The following PUM2 variants were observed in gnomAD, a reference collection of about 807,000 sequenced individuals.
PUM2 encodes pumilio homolog 2.
Under a neutral mutation model 124.5 loss-of-function variants are expected in PUM2, and 57 were observed. The observed-to-expected ratio is 0.46, with a 90% CI of 0.37 to 0.57. The LOEUF is 0.57. PUM2 is among the 20% of genes least tolerant of loss of function. PUM2 has a pLI of 0.00. For synonymous variants in PUM2, 460 were observed against 446.1 expected (o/e 1.03, Z -0.39); for missense variants, 1,065 against 1,290.6 (o/e 0.83, Z 2.68).
chr2:20,311,708 C>CA lies in PUM2; in HGVS notation c.349-46dup, dbSNP rs574174658. On this transcript the variant is annotated intron_variant, in intron 4 of 20. Transcript: ENST00000361078. ...TTGATTCTGAATATTTAATAGAACA[C>CA]AAAAAAAAGGCACCATAAGGTGACC... The CA allele has an allele frequency of 4.3e-4, 675 of 1,563,214 alleles. 5 individuals carry two copies. The South Asian group carries it at 6.6e-3, about 15-fold the overall frequency.
chr2:20,270,891 A>T (rs984841068), intron 13 of PUM2, among the ~76,000 whole-genome samples: 6 of 152,226 alleles, frequency 3.9e-5, no homozygotes, highest in African/African-American at 1.4e-4. Flanking sequence ...CCTAGAAACA[A>T]TTCCATTATA....
At chr2:20,347,586 A>G (rs903163896) in intron 1 of PUM2, among the ~76,000 whole-genome samples, 1 of 152,258 alleles carries the variant, frequency 6.6e-6, no homozygotes, top group African/African-American at 2.4e-5. Flanking sequence ...ATTGCCAAAT[A>G]TAAAAATCAC....
chr2:20,312,335 C>G lies in PUM2; in HGVS notation c.249G>C (p.Pro83=). Residue 83 remains proline (P), a synonymous_variant, in exon 4 of 21, where the codon CCG becomes CCC. Coordinates refer to ENST00000361078, the MANE Select transcript of PUM2 (RefSeq NM_015317.5). ...GNSEVNAILS[P]RSESGGLGVS... ...CACCAAGGCCTCCACTTTCTGATCGCGGAGACAGTATTGCATTTACTTCAC... is the reference window on the plus strand; with the variant it reads ...CACCAAGGCCTCCACTTTCTGATCGGGGAGACAGTATTGCATTTACTTCAC... 1 of 1,613,186 alleles carries G rather than the reference C, an allele frequency of 6.2e-7. No individual in the cohort carries two copies. Among genetic ancestry groups the G allele is most frequent in the Non-Finnish European group, 8.5e-7 (1 of 1,179,254 alleles).
chr2:20,350,759 C>A lies in PUM2; in HGVS notation c.-181G>T, dbSNP rs1689218060. 1 of 977,730 alleles carries A rather than the reference C, an allele frequency of 1.0e-6. No individual in the cohort carries two copies. 60.6% of individuals were successfully genotyped at this position (977,730 alleles called of 1,614,324 possible). A position where few individuals can be genotyped will look rare whatever the true frequency, so the allele number is the denominator to read the frequency against. On this transcript the variant is annotated 5_prime_UTR_variant, in exon 1 of 21. Transcript: ENST00000361078. ...CCACCCCACCTCCTCCTTCTCCTCC[C>A]CCTCCTCCTCCGAACCACCGAAGTA... is the stretch of plus-strand genomic sequence containing the variant.
chr2:20,279,793 C>T (rs948384692), intron 12 of PUM2, among the ~76,000 whole-genome samples: 1 of 152,122 alleles, frequency 6.6e-6, no homozygotes, highest in Non-Finnish European at 1.5e-5. Context: ...AATCAAATTC[C>T]ACAGCATGCA....
chr2:20,286,323 G>C (rs1289067045), intron 10 of PUM2, among the ~76,000 whole-genome samples: 1 of 152,180 alleles, frequency 6.6e-6, no homozygotes, highest in African/African-American at 2.4e-5. Flanking sequence ...GAGAACCCTA[G>C]AGATTTGCTG....
At chr2:20,261,987 C>T (rs935162105) in intron 14 of PUM2, among the ~76,000 whole-genome samples, 4 of 152,016 alleles carry the variant, frequency 2.6e-5, no homozygotes, top group African/African-American at 2.4e-5. Flanking sequence ...CCCAGCTATT[C>T]GGGATGCTTA....
At chr2:20,290,549 G>A in intron 10 of PUM2, 103 bp downstream of exon 10, 2 of 1,240,390 alleles carry the variant, frequency 1.6e-6, no homozygotes, top group South Asian at 3.6e-5. Context: ...TACAAGGTAG[G>A]CAAGATTTTA....
intron 14 of PUM2, among the ~76,000 whole-genome samples, chr2:20,261,700 T>C (rs1427654757): frequency 1.3e-5 from 2 of 152,134 alleles, no homozygotes; most frequent in African/African-American, 4.8e-5. Flanking sequence ...TTACACTGTA[T>C]AGGCTAATGT....
At chr2:20,281,795 T>C (rs1671588176) in intron 12 of PUM2, among the ~76,000 whole-genome samples, 1 of 152,224 alleles carries the variant, frequency 6.6e-6, no homozygotes, top group Non-Finnish European at 1.5e-5. Context: ...CAATATGACA[T>C]CCACTTATTG....
chr2:20,256,181 C>A lies in PUM2; in HGVS notation c.2485-11G>T. ...CTTTACCATTTCACTCTGCAAAAGA[C>A]AGGATGTCATTTAAATTATTACCTC... On this transcript the variant is annotated splice_polypyrimidine_tract_variant and intron_variant, in intron 16 of 20. Transcript: ENST00000361078. The A allele has an allele frequency of 1.3e-6, 2 of 1,573,448 alleles. No individual in the cohort carries two copies. The highest frequency in any genetic ancestry group is 1.7e-6 in the Non-Finnish European group (2 of 1,166,720).
At chr2:20,279,558 A>G (rs1404253221) in intron 12 of PUM2, among the ~76,000 whole-genome samples, 1 of 152,192 alleles carries the variant, frequency 6.6e-6, no homozygotes, top group Non-Finnish European at 1.5e-5. Flanking sequence ...CCCCTTACTC[A>G]AGGCTGATCA....
chr2:20,321,244 G>T (rs1682270471), intron 2 of PUM2, among the ~76,000 whole-genome samples: 2 of 152,030 alleles, frequency 1.3e-5, no homozygotes, highest in South Asian at 4.1e-4. Context: ...CCGAGATCGT[G>T]CCACTGCACT....
intron 3 of PUM2, among the ~76,000 whole-genome samples, chr2:20,315,927 T>C (rs932424670): frequency 2.6e-5 from 4 of 151,680 alleles, no homozygotes; most frequent in Admixed American, 6.6e-5. Flanking sequence ...AAACTGTGCA[T>C]TCAACTTTCA....
chr2:20,342,024 G>A (rs1390209457), intron 1 of PUM2, among the ~76,000 whole-genome samples: 1 of 151,690 alleles, frequency 6.6e-6, no homozygotes, highest in African/African-American at 2.4e-5. Context: ...AGCTACTAGG[G>A]AGGCTGAGGC....
At chr2:20,324,171 C>T (rs1572932429) in intron 2 of PUM2, among the ~76,000 whole-genome samples, 1 of 152,026 alleles carries the variant, frequency 6.6e-6, no homozygotes, top group African/African-American at 2.4e-5. Context: ...GTGATTCATA[C>T]AAAAGGTTAT....
chr2:20,311,978 G>C (rs1267211681), intron 4 of PUM2, among the ~76,000 whole-genome samples: 1 of 152,096 alleles, frequency 6.6e-6, no homozygotes, highest in Non-Finnish European at 1.5e-5. Flanking sequence ...CCAGGAATAA[G>C]CAATTTTAAT....
chr2:20,290,586 C>T, intron 10 of PUM2, 66 bp downstream of exon 10: 1 of 1,434,202 alleles, frequency 7.0e-7, no homozygotes, highest in South Asian at 1.5e-5. Context: ...TTTCACTCTT[C>T]AGTGTGAGTA....
At chr2:20,308,232 T>C in intron 6 of PUM2, 82 bp downstream of exon 6, 1 of 1,514,758 alleles carries the variant, frequency 6.6e-7, no homozygotes, top group Non-Finnish European at 8.9e-7. Flanking sequence ...ACCCCTACCA[T>C]TCTTTTCAAT....
Sources: allele counts gnomAD v4.1 joint callset (sites outside exome capture counted in the v4.1 genomes callset), GRCh38; gene constraint gnomAD v4.1.1; transcripts MANE v1.5; gene names NCBI Gene and HGNC (gene_info 2026-07-23, HGNC 2026-07-21).